Variants in MICU1 observed in about 807,000 individuals in gnomAD.
The protein encoded by MICU1 is mitochondrial calcium uptake 1.
In MICU1, 45 loss-of-function variants were observed where a neutral mutation model predicts 56.8. The ratio of observed to expected loss-of-function variants is 0.79; its 90% CI spans 0.62 to 1.02. The LOEUF (loss-of-function observed/expected upper bound fraction) is 1.02. Among genes scored for constraint, MICU1 ranks in the 50% least tolerant of loss-of-function variants. The probability of loss-of-function intolerance (pLI) is 0.00; values close to 1 mark genes in which losing one functional copy is unlikely to be tolerated. For missense variants in MICU1, 504 were observed against 587.1 expected (o/e 0.86, Z 1.46); for synonymous variants, 186 against 195.1 (o/e 0.95, Z 0.39).
At chr10:72,432,488 G>A (rs1192672212) in intron 8 of MICU1, among the ~76,000 whole-genome samples, 1 of 152,022 alleles carries the variant, frequency 6.6e-6, no homozygotes, top group East Asian at 1.9e-4. Flanking sequence ...CCTGAAGCTG[G>A]GTAATTCATA....
intron 8 of MICU1, among the ~76,000 whole-genome samples, chr10:72,453,913 G>A (rs1032491689): frequency 6.6e-6 from 1 of 151,682 alleles, no homozygotes; most frequent in African/African-American, 2.4e-5. Flanking sequence ...TCAGCTCACC[G>A]CAAACTCCAC....
intron 6 of MICU1, among the ~76,000 whole-genome samples, chr10:72,506,739 G>A (rs1012302688): frequency 1.3e-5 from 2 of 152,158 alleles, no homozygotes; most frequent in Admixed American, 1.3e-4. Flanking sequence ...CACAACAGAA[G>A]AACAAATCTA....
intron 10 of MICU1, among the ~76,000 whole-genome samples, chr10:72,386,938 AG>A (rs1862912630): frequency 6.6e-6 from 1 of 152,208 alleles, no homozygotes; most frequent in African/African-American, 2.4e-5. Context: ...AAACTAGCCA[AG>A]GTCTAATTAA....
intron 3 of MICU1, among the ~76,000 whole-genome samples, chr10:72,553,326 C>A (rs998450467): frequency 6.6e-6 from 1 of 151,638 alleles, no homozygotes; most frequent in Non-Finnish European, 1.5e-5. Flanking sequence ...CTCTACCTCC[C>A]GGGTTCACGC....
intron 6 of MICU1, among the ~76,000 whole-genome samples, chr10:72,492,259 G>A (rs7919938): frequency 6.6e-6 from 1 of 151,762 alleles, no homozygotes; most frequent in African/African-American, 2.4e-5. Flanking sequence ...GATCATTCTC[G>A]CTGCTGTATT....
At chr10:72,586,727 C>T (rs1021684493) in intron 1 of MICU1, among the ~76,000 whole-genome samples, 5 of 151,720 alleles carry the variant, frequency 3.3e-5, no homozygotes, top group African/African-American at 1.2e-4. Context: ...GACCTAAAGG[C>T]TCCTGGAATA....
chr10:72,601,796 CTTTTTCTTTTTTTTT>C (rs1206137367), intron 1 of MICU1, among the ~76,000 whole-genome samples: 4 of 25,426 alleles, frequency 1.6e-4, no homozygotes, highest in Non-Finnish European at 2.4e-4. Flanking sequence ...TTCTTTTTTT[CTTTTTCTTTTTTTTT>C]TTTTTTGAGG....
At chr10:72,514,269 T>C (rs1246381473) in intron 5 of MICU1, among the ~76,000 whole-genome samples, 1 of 152,196 alleles carries the variant, frequency 6.6e-6, no homozygotes, top group African/African-American at 2.4e-5. Flanking sequence ...TTAACTATAC[T>C]TTAGGCAGTT....
chr10:72,533,034 T>G lies in MICU1; in HGVS notation c.537+712A>C, dbSNP rs186679876. 4,150 of 1,289,374 alleles carry G rather than the reference T, an allele frequency of 3.2e-3. 16 individuals are homozygous for G. Among genetic ancestry groups the G allele is most frequent in the Non-Finnish European group, 4.0e-3 (3,948 of 988,646 alleles). 79.9% of individuals were successfully genotyped at this position (1,289,374 alleles called of 1,614,324 possible). The stretch of plus-strand genomic sequence containing the variant: ...CCATGATTGTCCTTCTGACTTCCTG[T>G]TCATTGTGCTTTGTAGAACCATGCC... On this transcript the variant is annotated intron_variant, in intron 5 of 11. Transcript: ENST00000361114.
At chr10:72,505,709 A>C (rs1308529949) in intron 6 of MICU1, among the ~76,000 whole-genome samples, 1 of 152,160 alleles carries the variant, frequency 6.6e-6, no homozygotes, top group Admixed American at 6.5e-5. Flanking sequence ...TTAACACAGG[A>C]ACAGAAAACC....
chr10:72,594,709 G>A (rs999759635), intron 1 of MICU1, among the ~76,000 whole-genome samples: 2 of 151,948 alleles, frequency 1.3e-5, no homozygotes, highest in Non-Finnish European at 2.9e-5. Flanking sequence ...GTCCAGCCTG[G>A]TCAACATAGC....
chr10:72,615,525 T>G (rs1433627919), intron 1 of MICU1, among the ~76,000 whole-genome samples: 1 of 152,216 alleles, frequency 6.6e-6, no homozygotes, highest in East Asian at 1.9e-4. Context: ...TTGGCAAGAA[T>G]TCTGCATAGA....
intron 8 of MICU1, among the ~76,000 whole-genome samples, chr10:72,445,949 C>CT (rs527760489): frequency 2.4e-4 from 35 of 147,822 alleles, no homozygotes; most frequent in Admixed American, 2.7e-4. Context: ...GATGCATTTA[C>CT]TTTTTTTTTT....
At chr10:72,422,209 T>C (rs1476570507) in intron 9 of MICU1, among the ~76,000 whole-genome samples, 2 of 152,174 alleles carry the variant, frequency 1.3e-5, no homozygotes, top group African/African-American at 4.8e-5. Context: ...AAGAGATTTC[T>C]CCCTCTCTTC....
chr10:72,415,520 G>A (rs1268541545), intron 9 of MICU1, among the ~76,000 whole-genome samples: 2 of 152,004 alleles, frequency 1.3e-5, no homozygotes, highest in East Asian at 3.8e-4. Context: ...TGGCAGCAGG[G>A]GAAATTATAC....
chr10:72,534,402 G>A (rs1839572348), intron 4 of MICU1, among the ~76,000 whole-genome samples: 1 of 152,110 alleles, frequency 6.6e-6, no homozygotes, highest in Admixed American at 6.5e-5. Context: ...TTTATCCCCA[G>A]CATTTAGAAC....
At chr10:72,375,379 G>A (rs931442776) in intron 11 of MICU1, among the ~76,000 whole-genome samples, 2 of 152,154 alleles carry the variant, frequency 1.3e-5, no homozygotes, top group Non-Finnish European at 2.9e-5. Flanking sequence ...GGAATGCTAT[G>A]GAGATGGAAT....
chr10:72,458,444 C>T (rs1865541216), intron 8 of MICU1, among the ~76,000 whole-genome samples: 1 of 152,082 alleles, frequency 6.6e-6, no homozygotes, highest in African/African-American at 2.4e-5. Flanking sequence ...TAATCCAGCA[C>T]AATGAATTTA....
chr10:72,569,227 A>ATTTTTTTTTTTTT (rs1457174727), intron 1 of MICU1, among the ~76,000 whole-genome samples: 2 of 40,588 alleles, frequency 4.9e-5, no homozygotes, highest in African/African-American at 2.2e-4. Context: ...ATATATATAT[A>ATTTTTTTTTTTTT]TATATATATA....
Sources: allele counts gnomAD v4.1 joint callset (sites outside exome capture counted in the v4.1 genomes callset), GRCh38; gene constraint gnomAD v4.1.1; transcripts MANE v1.5; gene names NCBI Gene and HGNC (gene_info 2026-07-23, HGNC 2026-07-21).